CIROZ: variants seen among roughly 807,000 people sequenced by gnomAD.
The protein encoded by CIROZ is ciliated left-right organizer ZP-N domains-containing protein.
chr1:10,981,220 A>G, the CIROZ span, among the ~76,000 whole-genome samples: 1 of 152,228 alleles, frequency 6.6e-6, no homozygotes, highest in Non-Finnish European at 1.5e-5. Context: ...AGGCCGAGAC[A>G]GGAGGATGGC....
chr1:10,972,270 T>C, the CIROZ span, among the ~76,000 whole-genome samples: 1 of 152,182 alleles, frequency 6.6e-6, no homozygotes, highest in South Asian at 2.1e-4. Flanking sequence ...CTGGGCACAG[T>C]GGTGCACATC....
chr1:10,966,827 G>T, the CIROZ span, among the ~76,000 whole-genome samples: 4 of 151,974 alleles, frequency 2.6e-5, no homozygotes, highest in African/African-American at 9.7e-5. Flanking sequence ...CAAAATGTAG[G>T]CAGATTGTGT....
chr1:10,981,954 T>C, the CIROZ span: 2 of 1,527,618 alleles, frequency 1.3e-6, no homozygotes, highest in Non-Finnish European at 1.8e-6. Flanking sequence ...CTTCAAGGAG[T>C]GTGGGCACAC....
At chr1:10,968,464 C>T in the CIROZ span, among the ~76,000 whole-genome samples, 1 of 152,178 alleles carries the variant, frequency 6.6e-6, no homozygotes, top group Admixed American at 6.6e-5. Flanking sequence ...ACGCAGCTTC[C>T]ACCGCTATCT....
the CIROZ span, among the ~76,000 whole-genome samples, chr1:10,980,100 G>A: frequency 6.6e-6 from 1 of 152,226 alleles, no homozygotes; most frequent in Admixed American, 6.5e-5. Context: ...TGAAAAGGCA[G>A]GAATGGGTGC....
At chr1:10,962,404 G>A in the CIROZ span, among the ~76,000 whole-genome samples, 13 of 152,122 alleles carry the variant, frequency 8.5e-5, no homozygotes, top group African/African-American at 1.2e-4. Context: ...CTGAGATCAC[G>A]CCACTGCACT....
chr1:10,951,923 C>T, the CIROZ span, among the ~76,000 whole-genome samples: 9 of 151,750 alleles, frequency 5.9e-5, no homozygotes, highest in African/African-American at 2.2e-4. Context: ...TCTCTAACCA[C>T]GGGGAGTTTA....
At chr1:10,966,216 A>G in the CIROZ span, 1 of 1,123,180 alleles carries the variant, frequency 8.9e-7, no homozygotes, top group Non-Finnish European at 1.2e-6. Flanking sequence ...AAACTCCATG[A>G]GGGCAGAGAC....
At chr1:10,952,794 G>A in the CIROZ span, among the ~76,000 whole-genome samples, 3 of 152,234 alleles carry the variant, frequency 2.0e-5, no homozygotes, top group African/African-American at 7.2e-5. Context: ...TTATAGGCGT[G>A]AGCCACCGCG....
the CIROZ span, among the ~76,000 whole-genome samples, chr1:10,949,967 T>C: frequency 6.6e-6 from 1 of 151,846 alleles, no homozygotes; most frequent in African/African-American, 2.4e-5. Context: ...GAAATGTCCA[T>C]TGGCTGAATT....
At chr1:10,969,916 A>C in the CIROZ span, 1 of 1,475,502 alleles carries the variant, frequency 6.8e-7, no homozygotes, top group Non-Finnish European at 8.9e-7. Context: ...AGGCAGGGGA[A>C]GGCAACACAA....
chr1:10,947,991 G>T, the CIROZ span: 2 of 1,613,634 alleles, frequency 1.2e-6, no homozygotes, highest in Non-Finnish European at 1.7e-6. Flanking sequence ...CAGAAGAGCT[G>T]CTGGGCGAAC....
At chr1:10,967,738 G>T in the CIROZ span, among the ~76,000 whole-genome samples, 1 of 152,164 alleles carries the variant, frequency 6.6e-6, no homozygotes, top group Non-Finnish European at 1.5e-5. Flanking sequence ...TTGGGAGGCC[G>T]AGGCGAGTGG....
chr1:10,957,807 A>G, the CIROZ span: 1 of 1,568,860 alleles, frequency 6.4e-7, no homozygotes. Flanking sequence ...CACGGTCACT[A>G]GGGGTTACGG....
At chr1:10,948,068 C>G in the CIROZ span, 1 of 1,613,468 alleles carries the variant, frequency 6.2e-7, no homozygotes, top group Non-Finnish European at 8.5e-7. Context: ...CCCTGGGCAT[C>G]CCGGTGAGTT....
At chr1:10,959,961 G>A in the CIROZ span, among the ~76,000 whole-genome samples, 3 of 152,338 alleles carry the variant, frequency 2.0e-5, no homozygotes, top group Middle Eastern at 6.8e-3. The surrounding 1 kb of genome is among the most constrained non-coding windows in gnomAD (Gnocchi z 4.3). Context: ...TGAGGAGGAT[G>A]CGGCAATTCC....
At chr1:10,948,837 A>G in the CIROZ span, 96 of 1,495,076 alleles carry the variant, frequency 6.4e-5, no homozygotes, top group Non-Finnish European at 8.1e-5. Flanking sequence ...GAATGGTCCA[A>G]GCCCCTTCTT....
At chr1:10,959,964 G>T in the CIROZ span, among the ~76,000 whole-genome samples, 1 of 152,202 alleles carries the variant, frequency 6.6e-6, no homozygotes, top group African/African-American at 2.4e-5. This position sits in a 1 kb window ranked among gnomAD's most constrained non-coding sequence, Gnocchi z 4.3. Context: ...GGAGGATGCG[G>T]CAATTCCTCA....
chr1:10,955,171 T>C, the CIROZ span: 1 of 1,603,808 alleles, frequency 6.2e-7, no homozygotes, highest in South Asian at 1.1e-5. Flanking sequence ...GACCTCCGAC[T>C]CTGGCTGGAA....
Sources: allele counts gnomAD v4.1 joint callset (sites outside exome capture counted in the v4.1 genomes callset), GRCh38; gene constraint gnomAD v4.1.1; non-coding constraint Gnocchi (gnomAD v3.1); transcripts MANE v1.5; gene names NCBI Gene and HGNC (gene_info 2026-07-23, HGNC 2026-07-21).